Variants in DLD observed in about 807,000 individuals in gnomAD.
DLD encodes dihydrolipoyl dehydrogenase, mitochondrial.
A neutral mutation model predicts 62.2 loss-of-function variants in DLD; 36 were observed. That is an observed-to-expected ratio of 0.58 (90% CI 0.44 to 0.76). The LOEUF is 0.76. DLD is among the 30% of genes least tolerant of loss of function. The pLI, the probability that DLD is intolerant of heterozygous loss-of-function variation, is 0.00. For synonymous variants in DLD, 204 were observed against 199.6 expected, an observed-to-expected ratio of 1.02 and a Z score of -0.19; for missense variants, 541 against 608.6, an observed-to-expected ratio of 0.89 and a Z score of 1.17.
In DLD at chr7:107,915,430, A is replaced by T. The variant is rs553292943; in HGVS notation, c.685-76A>T. On this transcript the variant is annotated intron_variant, in intron 8 of 13. Transcript: ENST00000205402. ...GCGAAAGAAGAAAATGTTTTACAAT[A>T]AATTATTAAGATGATTTCGTAAACA... The T allele has an allele frequency of 3.4e-4, 505 of 1,491,840 alleles. 2 individuals are homozygous for T. In the African/African-American group the frequency reaches 6.5e-3, roughly 19 times the overall value. 92.4% of individuals were successfully genotyped at this position (1,491,840 alleles called of 1,614,324 possible).
At chr7:107,904,390 G>C (rs1236019942) in intron 5 of DLD, among the ~76,000 whole-genome samples, 3 of 151,984 alleles carry the variant, frequency 2.0e-5, no homozygotes, top group African/African-American at 7.2e-5. Flanking sequence ...TATATGTGTT[G>C]GTTATATGAG....
At position 107,901,753 on chromosome 7, in the gene DLD, C is replaced by G; in HGVS notation, c.134C>G (p.Thr45Arg). ...YADQPIDADVTVIGSGPGGYV... is the reference protein window; with the variant it reads ...YADQPIDADVRVIGSGPGGYV... ...TTTATCGTAGTTGATGCTGATGTAA[C>G]AGTTATAGGTTCTGGTCCTGGAGGA... is the stretch of plus-strand genomic sequence containing the variant. Residue 45 changes from threonine (T) to arginine (R), a missense_variant, in exon 3 of 14, where the codon ACA becomes AGA. Physicochemically the swap from Thr to Arg is moderately conservative, Grantham distance 71. Transcript: ENST00000205402. 9.3e-6 allele frequency: 15 copies of G among 1,613,426 alleles called. No homozygotes were observed. Among genetic ancestry groups the G allele is most frequent in the African/African-American group, 1.3e-5 (1 of 75,006 alleles).
chr7:107,899,695 A>G (rs2031828959), intron 2 of DLD, among the ~76,000 whole-genome samples: 1 of 152,148 alleles, frequency 6.6e-6, no homozygotes, highest in South Asian at 2.1e-4. Context: ...AGAATATAAA[A>G]TATGGCAAAA....
chr7:107,894,169 T>C (rs968981364), intron 2 of DLD, among the ~76,000 whole-genome samples: 9 of 152,218 alleles, frequency 5.9e-5, no homozygotes, highest in Non-Finnish European at 7.3e-5. Flanking sequence ...TAGGATTATA[T>C]TGAAGTATTT....
intron 12 of DLD, 46 bp from the exon 13 acceptor site, chr7:107,918,964 T>C (rs1288012116): frequency 2.7e-6 from 4 of 1,494,372 alleles, no homozygotes; most frequent in Non-Finnish European, 9.3e-7. Flanking sequence ...TATTAGCATG[T>C]AGTTTTTGCC....
At chr7:107,911,933 A>G (rs140787400) in intron 8 of DLD, among the ~76,000 whole-genome samples, 17 of 151,876 alleles carry the variant, frequency 1.1e-4, no homozygotes, top group African/African-American at 3.9e-4. Context: ...ATTCTGTCTA[A>G]TTGTATATTT....
chr7:107,896,185 A>G (rs60233024), intron 2 of DLD, among the ~76,000 whole-genome samples: 1,742 of 152,332 alleles, frequency 0.011, 33 homozygotes, highest in African/African-American at 0.04. Context: ...GAGAACCAAC[A>G]GAGCGTAACA....
intron 2 of DLD, among the ~76,000 whole-genome samples, chr7:107,899,477 T>A (rs1196662767): frequency 6.6e-6 from 1 of 152,046 alleles, no homozygotes; most frequent in Non-Finnish European, 1.5e-5. Flanking sequence ...AAACAAGTTC[T>A]TTTCCAAACC....
At chr7:107,899,518 C>T (rs1445171665) in intron 2 of DLD, among the ~76,000 whole-genome samples, 2 of 151,622 alleles carry the variant, frequency 1.3e-5, no homozygotes, top group Non-Finnish European at 2.9e-5. Flanking sequence ...TACCATGGAC[C>T]TACTATAAGA....
rs1405345402 is a variant in DLD, at chr7:107,891,216, GA to G, written c.-32del. 4 of 1,613,696 alleles carry G rather than the reference GA, an allele frequency of 2.5e-6. No homozygotes were observed. The African/African-American group carries it at 5.3e-5, about 22-fold the overall frequency. On this transcript the variant is annotated 5_prime_UTR_variant, in exon 1 of 14. Transcript: ENST00000205402. ...AGCGGCGGAGGCGCCCAGCGGAGGT[GA>G]AAGTATTGGCGGAAAGGAAAATACA...
chr7:107,914,060 CTG>C (rs2032206650), intron 8 of DLD, among the ~76,000 whole-genome samples: 2 of 152,234 alleles, frequency 1.3e-5, no homozygotes, highest in South Asian at 4.1e-4. Flanking sequence ...CCTTGCATCT[CTG>C]GGATGAATCC....
intron 2 of DLD, among the ~76,000 whole-genome samples, chr7:107,896,062 G>A (rs1030586928): frequency 6.6e-6 from 1 of 152,222 alleles, no homozygotes; most frequent in Admixed American, 6.5e-5. Context: ...AGCTTAAACT[G>A]CATGGTATTG....
chr7:107,918,048 A>G lies in DLD; in HGVS notation c.1361A>G (p.His454Arg). 1 of 1,614,034 alleles carries G rather than the reference A, an allele frequency of 6.2e-7. No homozygotes were observed. The highest frequency in any genetic ancestry group is 8.5e-7 in the Non-Finnish European group (1 of 1,179,896). Residue 454 changes from histidine to arginine, a missense_variant, in exon 12 of 14, where the codon CAT (histidine) becomes CGT (arginine). By Grantham distance (29) the His-to-Arg change is conservative (BLOSUM62 0). Transcript: ENST00000205402. ...QKSTDRVLGA[H>R]ILGPGAGEMV... is the part of the protein sequence containing the mutation. ...TCGACAGACAGAGTACTGGGAGCAC[A>G]TATTCTTGGACCAGTGAGTATTGTA...
intron 2 of DLD, among the ~76,000 whole-genome samples, chr7:107,898,270 C>CTTTTTTTTTTTTTTTTTTTTTTTTTTT: frequency 1.5e-5 from 1 of 65,568 alleles, no homozygotes; most frequent in Middle Eastern, 0.011. Flanking sequence ...TTTCTGTATC[C>CTTTTTTTTTTTTTTTTTTTTTTTTTTT]TTTTTTTTTT....
In DLD at chr7:107,915,584, A is replaced by C. The variant is rs533405046; in HGVS notation, c.763A>C (p.Met255Leu). The change falls in exon 9 of 14, where the codon ATG becomes CTG. Residue 255 changes from methionine (M) to leucine (L), a missense_variant. By Grantham distance (15) the Met-to-Leu change is conservative (BLOSUM62 2). Transcript: ENST00000205402. ...LGHVGGVGID[M>L]EISKNFQRIL... ...TCATGTAGGTGGAGTTGGAATTGAT[A>C]TGGAGATATCTAAAAACTTTCAACG... 1.0e-4 allele frequency: 169 copies of C among 1,613,864 alleles called. No homozygotes were observed. In the South Asian group the frequency reaches 1.7e-3, roughly 16 times the overall value.
At chr7:107,892,580 C>G (rs908880764) in intron 1 of DLD, among the ~76,000 whole-genome samples, 2 of 151,906 alleles carry the variant, frequency 1.3e-5, no homozygotes, top group African/African-American at 2.4e-5. Context: ...GAGTCTCACT[C>G]TGACATCCAG....
rs2031886634 is a variant in DLD, at chr7:107,901,953, A to G, written c.198+136A>G. 4 of 741,508 alleles carry G rather than the reference A, an allele frequency of 5.4e-6. No homozygotes were observed. The South Asian group carries it at 6.2e-5, about 11-fold the overall frequency. The allele number at this position is 741,508 out of a possible 1,614,324, so 45.9% of individuals were successfully genotyped here. On this transcript the variant is annotated intron_variant, in intron 3 of 13. Transcript: ENST00000205402. Reference sequence around the variant, plus strand: ...TAAATTACTTGTAAGCCTGAGACTAATAAAGATTAGGTTCATTTGGTTGTA... The same window carrying G: ...TAAATTACTTGTAAGCCTGAGACTAGTAAAGATTAGGTTCATTTGGTTGTA...
At chr7:107,910,553 TTAGTG>T (rs776324918) in intron 8 of DLD, among the ~76,000 whole-genome samples, 8 of 152,362 alleles carry the variant, frequency 5.3e-5, no homozygotes, top group Non-Finnish European at 7.3e-5. Context: ...CCATTCCAGT[TTAGTG>T]TAGTGTTAAA....
At chr7:107,913,088 T>G (rs558675781) in intron 8 of DLD, among the ~76,000 whole-genome samples, 71 of 152,272 alleles carry the variant, frequency 4.7e-4, no homozygotes, top group African/African-American at 1.6e-3. Flanking sequence ...GGTACCTTTG[T>G]TGAAAATGAG....
Sources: gnomAD v4.1 joint callset for allele counts (sites outside exome capture counted in the v4.1 genomes callset) on GRCh38, gnomAD v4.1.1 for gene constraint, MANE v1.5 for transcripts, NCBI Gene and HGNC (gene_info 2026-07-23, HGNC 2026-07-21) for gene names.